The following RAF1 variants were observed in gnomAD, a reference collection of about 807,000 sequenced individuals.
The protein encoded by RAF1 is RAF proto-oncogene serine/threonine-protein kinase.
RAF1 carries 27 observed loss-of-function variants against 81.1 expected under a neutral mutation model. The ratio of observed to expected loss-of-function variants is 0.33; its 90% CI spans 0.25 to 0.46. RAF1 has a LOEUF of 0.46. RAF1 is among the 20% of genes least tolerant of loss of function. The pLI is 1.00. For missense variants in RAF1, 598 were observed against 826.0 expected, an observed-to-expected ratio of 0.72 and a Z score of 3.38; for synonymous variants, 298 against 294.0, an observed-to-expected ratio of 1.01 and a Z score of -0.14.
At chr3:12,606,107 G>A (rs1349616079) in intron 6 of RAF1, 94 bp downstream of exon 6, 2 of 860,480 alleles carry the variant, frequency 2.3e-6, no homozygotes, top group Non-Finnish European at 3.8e-6. Flanking sequence ...TAGAGAGGAG[G>A]GAATGCGAAG....
rs1201337774 is a variant in RAF1 at position 12,632,389 on chromosome 3, T to C, written c.-26-13642A>G. On this transcript the variant is annotated intron_variant, in intron 1 of 17. Transcript: ENST00000442415. ...AAAATAAACTTATTTTCTGAAGCAA[T>C]GGATCACTGTCTGTTTTTTTCTGAT... Among the ~76,000 whole-genome samples the C allele has an allele frequency of 2.7e-5, 4 of 150,664 alleles. No individual in the cohort carries two copies. The South Asian group carries it at 8.3e-4, about 31-fold the overall frequency.
intron 1 of RAF1, among the ~76,000 whole-genome samples, chr3:12,628,573 T>C (rs2059773604): frequency 6.6e-6 from 1 of 152,158 alleles, no homozygotes; most frequent in African/African-American, 2.4e-5. Context: ...TATTTCATTA[T>C]CGTGTTAATA....
At chr3:12,656,038 G>A (rs567905472) in intron 1 of RAF1, among the ~76,000 whole-genome samples, 8 of 150,386 alleles carry the variant, frequency 5.3e-5, no homozygotes, top group Non-Finnish European at 1.0e-4. Context: ...AAATGTCACT[G>A]GATTGTAGAT....
rs1037879020 is a variant in RAF1, at chr3:12,603,505, C to T, written c.867G>A (p.Trp289Ter). 3 of 701,310 alleles carry T rather than the reference C, an allele frequency of 4.3e-6. No individual in the cohort carries two copies. Among genetic ancestry groups the T allele is most frequent in the Non-Finnish European group, 7.8e-6 (3 of 383,854 alleles). 43.4% of individuals were successfully genotyped at this position (701,310 alleles called of 1,614,324 possible). A position where few individuals can be genotyped will look rare whatever the true frequency, so the allele number is the denominator to read the frequency against. ...TTCCCCTCAAACAAAATCGTCTGGA[C>T]CACGCCCTGGGAGAAGCACTCAGGT... Residue 289 changes from tryptophan to a stop codon, truncating the protein, a stop_gained, in exon 8 of 18, where the codon TGG becomes TGA. Coordinates refer to ENST00000442415, the MANE Select transcript of RAF1 (RefSeq NM_001354689.3). LOFTEE classifies it high-confidence loss of function.
At chr3:12,642,671 T>TACACAC (rs71063856) in intron 1 of RAF1, among the ~76,000 whole-genome samples, 12,729 of 116,862 alleles carry the variant, frequency 0.11, 781 homozygotes, top group Middle Eastern at 0.13. Flanking sequence ...ACACCATCTC[T>TACACAC]ACACACACAC....
intron 1 of RAF1, among the ~76,000 whole-genome samples, chr3:12,653,642 G>A (rs1402347552): frequency 6.6e-6 from 1 of 151,994 alleles, no homozygotes; most frequent in East Asian, 1.9e-4. Flanking sequence ...CTACTAGGGA[G>A]GCTGAGGCAG....
intron 1 of RAF1, among the ~76,000 whole-genome samples, chr3:12,655,502 G>A (rs575622588): frequency 1.3e-5 from 2 of 152,304 alleles, no homozygotes; most frequent in East Asian, 3.9e-4. Flanking sequence ...CAGTCACTGT[G>A]CAAAACAGTT....
rs897600878 is a variant in RAF1, at chr3:12,635,790, G to A, written c.-26-17043C>T. Reference sequence around the variant, plus strand: ...AGATTGAGACCATCCTGGCTAACACGGTGAAACCCCATCTCTACTAAAAAT... The same window carrying A: ...AGATTGAGACCATCCTGGCTAACACAGTGAAACCCCATCTCTACTAAAAAT... On this transcript the variant is annotated intron_variant, in intron 1 of 17. Transcript: ENST00000442415. 1.6e-4 allele frequency among the ~76,000 whole-genome samples: 25 copies of A among 151,618 alleles called. 1 individual carries two copies. Among genetic ancestry groups the A allele is most frequent in the African/African-American group, 5.8e-4 (24 of 41,224 alleles).
At chr3:12,614,005 G>C (rs2059296929) in intron 2 of RAF1, among the ~76,000 whole-genome samples, 1 of 152,238 alleles carries the variant, frequency 6.6e-6, no homozygotes, top group African/African-American at 2.4e-5. Context: ...TTCCTTTGGA[G>C]TTTGTGATAG....
chr3:12,659,444 A>AAAAAAAAAAAAAAAAAAAG (rs2060806821), intron 1 of RAF1, among the ~76,000 whole-genome samples: 1 of 150,572 alleles, frequency 6.6e-6, no homozygotes, highest in African/African-American at 2.4e-5. Context: ...AAAAAAAAAA[A>AAAAAAAAAAAAAAAAAAAG]ATTACACGCA....
At chr3:12,616,771 G>C (rs2059379841) in intron 2 of RAF1, among the ~76,000 whole-genome samples, 1 of 152,276 alleles carries the variant, frequency 6.6e-6, no homozygotes. Context: ...ACAATGCATT[G>C]ATTTTACACA....
chr3:12,587,800 A>T (rs2058373480), intron 13 of RAF1, among the ~76,000 whole-genome samples, 163 bp from the exon 13 acceptor site: 1 of 147,186 alleles, frequency 6.8e-6, no homozygotes, highest in Non-Finnish European at 1.5e-5. Flanking sequence ...ATCACTGCTT[A>T]CCTGAAGGTG....
intron 11 of RAF1, among the ~76,000 whole-genome samples, chr3:12,596,755 A>G (rs2058698777): frequency 6.6e-6 from 1 of 152,194 alleles, no homozygotes; most frequent in Non-Finnish European, 1.5e-5. Flanking sequence ...AGTATTGCAC[A>G]AAACAATCTA....
chr3:12,606,258 G>T lies in RAF1; in HGVS notation c.623C>A (p.Ala208Glu). 1 of 1,613,988 alleles carries T rather than the reference G, an allele frequency of 6.2e-7. No individual in the cohort carries two copies. ...ACGACGCATAGTCAAAGAAGGTAGT[G>T]CTGGGACTCCACTATCACCAATAGT... Residue 208 changes from alanine to glutamate, a missense_variant, in exon 6 of 18, where the codon GCA becomes GAA. Ala to Glu is a moderately radical substitution (Grantham distance 107, BLOSUM62 -1). This residue lies in a region of RAF1 where 194 missense variants were observed against 202.7 expected (regional missense o/e 0.96). Transcript: ENST00000442415.
intron 1 of RAF1, among the ~76,000 whole-genome samples, chr3:12,659,942 G>A (rs1224722901): frequency 6.6e-6 from 1 of 152,044 alleles, no homozygotes; most frequent in Non-Finnish European, 1.5e-5. Context: ...TACTAACAAA[G>A]ATTTACCTGA....
At chr3:12,646,618 T>A (rs2060356613) in intron 1 of RAF1, among the ~76,000 whole-genome samples, 1 of 151,352 alleles carries the variant, frequency 6.6e-6, no homozygotes, top group South Asian at 2.1e-4. Context: ...TGGCACAATA[T>A]CGGCTCATTG....
intron 17 of RAF1, 54 bp from the exon 17 acceptor site, chr3:12,584,711 G>A (rs2125318053): frequency 6.2e-7 from 1 of 1,613,432 alleles, no homozygotes; most frequent in Non-Finnish European, 8.5e-7. Context: ...GACACAGGAT[G>A]TACCCTGCCC....
intron 17 of RAF1, 48 bp downstream of exon 16, chr3:12,584,799 A>G (rs1198099425): frequency 6.2e-7 from 1 of 1,613,932 alleles, no homozygotes; most frequent in South Asian, 1.1e-5. Flanking sequence ...TGCCATCTTT[A>G]CGAACCAACC....
chr3:12,620,489 G>A (rs1228203204), intron 1 of RAF1, among the ~76,000 whole-genome samples: 1 of 151,914 alleles, frequency 6.6e-6, no homozygotes, highest in Admixed American at 6.6e-5. Flanking sequence ...TTTATTTTCT[G>A]AGACAGGGTC....
Sources: gnomAD v4.1 joint callset for allele counts (sites outside exome capture counted in the v4.1 genomes callset) on GRCh38, gnomAD v4.1.1 for gene constraint, gnomAD v4.1.1 regional missense constraint, MANE v1.5 for transcripts, NCBI Gene and HGNC (gene_info 2026-07-23, HGNC 2026-07-21) for gene names.